Variants in NCR1 observed in about 807,000 individuals in gnomAD.
NCR1 encodes NK cell-activating receptor.
NCR1 carries 30 observed loss-of-function variants against 32.5 expected under a neutral mutation model. The ratio of observed to expected loss-of-function variants is 0.92; its 90% CI spans 0.69 to 1.25. NCR1 has a LOEUF of 1.25. NCR1 is among the 50% of genes most tolerant of loss of function. The pLI, the probability that NCR1 is intolerant of heterozygous loss-of-function variation, is 0.00. For missense variants in NCR1, 369 were observed against 380.7 expected, an observed-to-expected ratio of 0.97 and a Z score of 0.26; for synonymous variants, 169 against 143.4, an observed-to-expected ratio of 1.18 and a Z score of -1.28.
At chr19:54,916,476 G>A (rs552918574), downstream of NCR1, among the ~76,000 whole-genome samples, 343 of 150,894 alleles carry the variant, frequency 2.3e-3, no homozygotes, top group African/African-American at 7.8e-3. Context: ...GTGCCACCAC[G>A]CCCGGCTAAT....
downstream of NCR1, among the ~76,000 whole-genome samples, chr19:54,913,496 AT>A (rs918897914): frequency 1.3e-5 from 2 of 152,088 alleles, no homozygotes; most frequent in African/African-American, 4.8e-5. Context: ...CCATGGAAAT[AT>A]TTTTTTCCTA....
chr19:54,912,139 C>T (rs1569537535), intron 5 of NCR1, 29 bp from the exon 6 acceptor site: 3 of 1,607,520 alleles, frequency 1.9e-6, no homozygotes, highest in Non-Finnish European at 1.7e-6. Flanking sequence ...TCAAAACCAT[C>T]CTCTTTTCTT....
At chr19:54,936,426 T>G in the NCR1 span, 1 of 1,613,938 alleles carries the variant, frequency 6.2e-7, no homozygotes, top group Non-Finnish European at 8.5e-7. Context: ...GGTGACGTTT[T>G]TAATCCTAGG....
At chr19:54,937,284 T>G in the NCR1 span, among the ~76,000 whole-genome samples, 5 of 151,472 alleles carry the variant, frequency 3.3e-5, no homozygotes, top group African/African-American at 9.7e-5. Context: ...GGCTTAATAC[T>G]TGGGTGACAA....
chr19:54,927,101 C>T, the NCR1 span, among the ~76,000 whole-genome samples: 2 of 137,938 alleles, frequency 1.4e-5, no homozygotes, highest in African/African-American at 5.4e-5. Context: ...AAGCAAAAAC[C>T]AAAAAGGCCG....
chr19:54,928,449 G>T, the NCR1 span, among the ~76,000 whole-genome samples: 1 of 152,102 alleles, frequency 6.6e-6, no homozygotes, highest in Non-Finnish European at 1.5e-5. Context: ...CAGTAGTGAG[G>T]AAAGGCAGAG....
chr19:54,909,190 T>A, intron 3 of NCR1, 55 bp from the exon 4 acceptor site: 3 of 1,477,540 alleles, frequency 2.0e-6, no homozygotes, highest in Non-Finnish European at 2.7e-6. Context: ...AAAAAAAAAA[T>A]AGCTGGCTGC....
upstream of NCR1, among the ~76,000 whole-genome samples, chr19:54,903,483 T>C (rs1291440500): frequency 6.9e-6 from 1 of 144,240 alleles, no homozygotes; most frequent in Non-Finnish European, 1.5e-5. Context: ...GATACATGTA[T>C]GTATATACAT....
In NCR1 at chr19:54,909,489, T is replaced by C. The variant is rs1333056972; in HGVS notation, c.600T>C (p.Ser200=). ...CFGSYNNHAW[S]FPSEPVKLLV... ...GCTCCTATAACAACCATGCCTGGTC[T>C]TTCCCCAGTGAGCCAGTGAAGCTCC... Residue 200 remains serine (S), a synonymous_variant, in exon 4 of 7, where the codon TCT becomes TCC. Transcript: ENST00000291890. The C allele has an allele frequency of 1.2e-6, 2 of 1,608,250 alleles. No homozygotes were observed. The highest frequency in any genetic ancestry group is 1.7e-6 in the Non-Finnish European group (2 of 1,179,752).
chr19:54,926,445 C>CA, the NCR1 span, among the ~76,000 whole-genome samples: 1 of 152,034 alleles, frequency 6.6e-6, no homozygotes, highest in African/African-American at 2.4e-5. Context: ...CACACACTCC[C>CA]AAAAAAACTC....
chr19:54,933,158 T>G, the NCR1 span, among the ~76,000 whole-genome samples: 1 of 152,070 alleles, frequency 6.6e-6, no homozygotes, highest in South Asian at 2.1e-4. Context: ...GTTTCTTTGT[T>G]TTTTTGAGAA....
Position 54,906,340 on chromosome 19 carries a change from T to A in NCR1, c.70+6T>A. The A allele has an allele frequency of 6.2e-7, 1 of 1,613,250 alleles. No homozygotes were observed. The highest frequency in any genetic ancestry group is 8.5e-7 in the Non-Finnish European group (1 of 1,179,952). On this transcript the variant is annotated splice_donor_region_variant and intron_variant, in intron 2 of 6. Transcript: ENST00000291890. ...GAGGATCAGCGCCCAGCAGCGTGAG[T>A]CCTTCCTTCAAAGCCCAGGGTCACT...
intron 3 of NCR1, 43 bp from the exon 4 acceptor site, chr19:54,909,202 C>T (rs780435248): frequency 6.4e-7 from 1 of 1,558,858 alleles, no homozygotes; most frequent in Admixed American, 1.9e-5. Flanking sequence ...GCTGGCTGCT[C>T]ATCACTGAGT....
At chr19:54,920,314 G>C (rs942468605), downstream of NCR1, among the ~76,000 whole-genome samples, 1 of 152,194 alleles carries the variant, frequency 6.6e-6, no homozygotes, top group South Asian at 2.1e-4. Context: ...ACGAGTTGCA[G>C]TGGGGGCAGG....
chr19:54,927,021 A>G, the NCR1 span, among the ~76,000 whole-genome samples: 1 of 151,252 alleles, frequency 6.6e-6, no homozygotes, highest in African/African-American at 2.4e-5. Flanking sequence ...ACCTGTGAGA[A>G]GGAGGCTGCA....
At chr19:54,926,205 GGTGTGTGT>G in the NCR1 span, among the ~76,000 whole-genome samples, 1 of 143,642 alleles carries the variant, frequency 7.0e-6, no homozygotes, top group Admixed American at 7.1e-5. Flanking sequence ...AATGATTAGG[GGTGTGTGT>G]GTGTGTGTGT....
rs587766794 is a variant in NCR1 at position 54,909,883 on chromosome 19, C to A, written c.635-135C>A. 2.7e-4 allele frequency: 196 copies of A among 730,122 alleles called. 1 individual carries two copies. The African/African-American group carries it at 3.4e-3, about 13-fold the overall frequency. The allele number at this position is 730,122 out of a possible 1,614,324, so 45.2% of individuals were successfully genotyped here. A position where few individuals can be genotyped will look rare whatever the true frequency, so the allele number is the denominator to read the frequency against. On this transcript the variant is annotated intron_variant, in intron 4 of 6. Transcript: ENST00000291890. The stretch of plus-strand genomic sequence containing the variant: ...CCGGGAGGCGGGGGTTGTAGTGAAC[C>A]GAGATCATACCACCGCACTGCAACC...
the NCR1 span, chr19:54,930,439 G>A: frequency 1.6e-6 from 2 of 1,230,574 alleles, no homozygotes; most frequent in South Asian, 1.2e-5. Context: ...TCCAGGCTGG[G>A]GGACAGAGCA....
chr19:54,900,806 G>A, the NCR1 span, among the ~76,000 whole-genome samples: 51 of 152,226 alleles, frequency 3.4e-4, no homozygotes, highest in Admixed American at 1.8e-3. Context: ...TGAGGGGATC[G>A]TGGTGATGGG....
Sources: gnomAD v4.1 joint callset for allele counts (sites outside exome capture counted in the v4.1 genomes callset) on GRCh38, gnomAD v4.1.1 for gene constraint, MANE v1.5 for transcripts, NCBI Gene and HGNC (gene_info 2026-07-23, HGNC 2026-07-21) for gene names.